GUCY2F: variants seen among roughly 807,000 people sequenced by gnomAD.
GUCY2F encodes retinal guanylyl cyclase 2.
In GUCY2F, 61 loss-of-function variants were observed where a neutral mutation model predicts 73.1. The ratio of observed to expected loss-of-function variants is 0.83; its 90% CI spans 0.68 to 1.03. The LOEUF (loss-of-function observed/expected upper bound fraction) is 1.03, where lower values mean the gene tolerates loss of function less well. Ranked by LOEUF, GUCY2F falls within the 50% of genes least tolerant of loss-of-function variation. The pLI, the probability that GUCY2F is intolerant of heterozygous loss-of-function variation, is 0.00. For synonymous variants in GUCY2F, 331 were observed against 307.8 expected (o/e 1.08, Z -0.79); for missense variants, 912 against 854.3 (o/e 1.07, Z -0.84).
chrX:109,452,485 C>T (rs1198563819), intron 4 of GUCY2F, among the ~76,000 whole-genome samples: 1 of 111,614 alleles, frequency 9.0e-6, no homozygotes, highest in Non-Finnish European at 1.9e-5. Context: ...ATTATCTTGC[C>T]TTCATAAAAT....
intron 9 of GUCY2F, among the ~76,000 whole-genome samples, chrX:109,405,720 A>G (rs1309456651): frequency 9.0e-6 from 1 of 111,388 alleles, no homozygotes; most frequent in Non-Finnish European, 1.9e-5. Context: ...CTTTTCATTC[A>G]TCATGGCCTT....
At chrX:109,462,854 A>G (rs913229502) in intron 3 of GUCY2F, among the ~76,000 whole-genome samples, 3 of 111,996 alleles carry the variant, frequency 2.7e-5, no homozygotes, top group African/African-American at 9.7e-5. Context: ...TTGCTTGCCT[A>G]TAAACACATC....
chrX:109,406,973 T>C (rs761107336), intron 9 of GUCY2F, among the ~76,000 whole-genome samples: 8 of 112,106 alleles, frequency 7.1e-5, no homozygotes, highest in Non-Finnish European at 9.4e-5. Context: ...TGTAGTATGT[T>C]GGTACTACGA....
intron 12 of GUCY2F, among the ~76,000 whole-genome samples, chrX:109,394,823 T>G (rs1160267000): frequency 1.8e-5 from 2 of 112,016 alleles, no homozygotes; most frequent in East Asian, 5.6e-4. Flanking sequence ...AATCTCCTGC[T>G]TTTGCACGCC....
chrX:109,462,896 A>G (rs1452293524), intron 3 of GUCY2F, among the ~76,000 whole-genome samples: 1 of 112,011 alleles, frequency 8.9e-6, no homozygotes, highest in Admixed American at 9.5e-5. Context: ...ATTTTTAGCA[A>G]TTTGAGTTTT....
intron 3 of GUCY2F, among the ~76,000 whole-genome samples, chrX:109,464,236 C>T: frequency 8.9e-6 from 1 of 112,151 alleles, no homozygotes; most frequent in Middle Eastern, 4.7e-3. Flanking sequence ...TATTCATCCT[C>T]TTTGTTTTTG....
In GUCY2F at chrX:109,436,843, G is replaced by A. The variant is rs184378835; in HGVS notation, c.1701+4508C>T. Among the ~76,000 whole-genome samples the A allele has an allele frequency of 3.3e-3, 361 of 108,368 alleles. 6 individuals are homozygous for A. The highest frequency in any genetic ancestry group is 0.011 in the African/African-American group (337 of 29,631). The allele number at this position is 108,368 out of a possible 115,157, so 94.1% of individuals were successfully genotyped here. ...GAGATATACCTAACACTAAATGACG[G>A]GTTAATGGGTGCAGCACACCAGCAT... On this transcript the variant is annotated intron_variant, in intron 7 of 19. Coordinates refer to ENST00000218006, the MANE Select transcript of GUCY2F (RefSeq NM_001522.3).
chrX:109,475,112 G>A (rs2147285463), intron 2 of GUCY2F, 95 bp downstream of exon 2: 1 of 859,597 alleles, frequency 1.2e-6, no homozygotes, highest in African/African-American at 2.0e-5. Context: ...GGGAAGGGAT[G>A]TGCTACCCTA....
intron 6 of GUCY2F, among the ~76,000 whole-genome samples, chrX:109,447,631 G>C (rs1434467895): frequency 1.2e-5 from 1 of 82,199 alleles, no homozygotes; most frequent in African/African-American, 4.5e-5. Context: ...GTCGTGGGGT[G>C]GGGGGAGGGG....
Position 109,391,912 on chromosome X carries a change from T to C in GUCY2F, c.2780A>G (p.Lys927Arg), listed in dbSNP as rs896255277. Residue 927 changes from lysine (K) to arginine (R), a missense_variant and splice_region_variant, in exon 14 of 20, where the codon AAG becomes AGG. Lys to Arg is a conservative substitution (Grantham distance 26, BLOSUM62 2). Transcript: ENST00000218006. The part of the protein sequence containing the change: ...DAIIGSHDVY[K>R]VETIGDAYMV... ...ATATTTTCCTGCTAATTAACCTACC[T>C]TGTAGACATCATGACTGCCAATTAT... 10 of 1,184,086 alleles carry C rather than the reference T, an allele frequency of 8.4e-6. No individual in the cohort carries two copies. In the East Asian group the frequency reaches 1.5e-4, roughly 18 times the overall value.
At chrX:109,404,527 T>A in intron 9 of GUCY2F, 43 bp from the exon 10 acceptor site, 1 of 985,965 alleles carries the variant, frequency 1.0e-6, no homozygotes, top group South Asian at 2.2e-5. Context: ...CTCATTTAAC[T>A]ATTTTGTGCT....
Position 109,409,025 on chromosome X carries a change from C to T in GUCY2F, c.1935G>A (p.Met645Ile). ...GATCCAGCAAGAGTGATGATTTAAA[C>T]ATCCAGTCAAGTTTCACATCTTGAT... The part of the protein sequence containing the change: ...LTNQDVKLDW[M>I]FKSSLLLDLI... The change falls in exon 9 of 20, where the codon ATG (methionine) becomes ATA (isoleucine). Residue 645 changes from methionine (M) to isoleucine (I), a missense_variant. Physicochemically the swap from Met to Ile is conservative, Grantham distance 10 (BLOSUM62 1). Coordinates refer to ENST00000218006, the MANE Select transcript of GUCY2F (RefSeq NM_001522.3). The T allele has an allele frequency of 8.7e-7, 1 of 1,150,788 alleles. No individual in the cohort carries two copies. Among genetic ancestry groups the T allele is most frequent in the Non-Finnish European group, 1.2e-6 (1 of 840,193 alleles). The allele number at this position is 1,150,788 out of a possible 1,213,427, so 94.8% of individuals were successfully genotyped here. A position where few individuals can be genotyped will look rare whatever the true frequency, so the allele number is the denominator to read the frequency against.
intron 10 of GUCY2F, among the ~76,000 whole-genome samples, chrX:109,399,865 C>A (rs758717548): frequency 4.8e-5 from 5 of 105,130 alleles, no homozygotes; most frequent in East Asian, 3.1e-4. Flanking sequence ...GAGCAAATTG[C>A]GGGTGGGGGG....
chrX:109,477,192 A>G (rs1449394235), intron 1 of GUCY2F, among the ~76,000 whole-genome samples: 2 of 111,516 alleles, frequency 1.8e-5, no homozygotes, highest in East Asian at 5.6e-4. Context: ...CTCCAAGATT[A>G]AAAATATCAA....
intron 9 of GUCY2F, among the ~76,000 whole-genome samples, chrX:109,407,228 T>C (rs998551813): frequency 1.8e-5 from 2 of 112,085 alleles, no homozygotes; most frequent in African/African-American, 3.2e-5. Context: ...CAAAGGTGAC[T>C]CTTGTTATGT....
intron 19 of GUCY2F, among the ~76,000 whole-genome samples, chrX:109,375,423 G>C (rs747997137): frequency 3.6e-5 from 4 of 111,364 alleles, no homozygotes; most frequent in Non-Finnish European, 7.5e-5. Flanking sequence ...TCCTTTGAAA[G>C]GGATCAGGCA....
At chrX:109,454,461 A>G (rs2267979) in intron 3 of GUCY2F, among the ~76,000 whole-genome samples, 4,331 of 111,574 alleles carry the variant, frequency 0.039, 182 homozygotes, top group African/African-American at 0.12. Flanking sequence ...ACCCTGACAC[A>G]TACGCACCCA....
chrX:109,455,553 A>G (rs1454383705), intron 3 of GUCY2F, among the ~76,000 whole-genome samples: 1 of 111,417 alleles, frequency 9.0e-6, no homozygotes, highest in South Asian at 3.8e-4. Context: ...TCTGGCTCTG[A>G]ACTCCTGTGA....
At chrX:109,448,996 G>A (rs924747182) in intron 5 of GUCY2F, among the ~76,000 whole-genome samples, 5 of 111,766 alleles carry the variant, frequency 4.5e-5, no homozygotes, top group African/African-American at 1.6e-4. Flanking sequence ...AGTCAGGTAG[G>A]TCTGACTGGG....
Sources: gnomAD v4.1 joint callset for allele counts (sites outside exome capture counted in the v4.1 genomes callset) on GRCh38, gnomAD v4.1.1 for gene constraint, MANE v1.5 for transcripts, NCBI Gene and HGNC (gene_info 2026-07-23, HGNC 2026-07-21) for gene names.